The following BCAS4 variants were observed in gnomAD, a reference collection of about 807,000 sequenced individuals.
BCAS4 encodes the protein breast carcinoma-amplified sequence 4.
Under a neutral mutation model 15.7 loss-of-function variants are expected in BCAS4, and 9 were observed. That is an observed-to-expected ratio of 0.57 (90% CI 0.34 to 1.00). The LOEUF is 1.00. Among genes scored for constraint, BCAS4 ranks in the 50% least tolerant of loss-of-function variants. The pLI, the probability that BCAS4 is intolerant of heterozygous loss-of-function variation, is 0.02. For missense variants in BCAS4, 225 were observed against 239.1 expected, an observed-to-expected ratio of 0.94 and a Z score of 0.39; for synonymous variants, 101 against 99.5, an observed-to-expected ratio of 1.02 and a Z score of -0.09.
At chr20:50,860,115 G>A (rs1015849656) in intron 4 of BCAS4, among the ~76,000 whole-genome samples, 10 of 152,126 alleles carry the variant, frequency 6.6e-5, no homozygotes, top group Admixed American at 4.6e-4. Flanking sequence ...TAGCCTGGGC[G>A]ACAGAGTGAG....
chr20:50,848,204 C>T (rs556177242), intron 4 of BCAS4, among the ~76,000 whole-genome samples: 128 of 152,182 alleles, frequency 8.4e-4, no homozygotes, highest in African/African-American at 3.0e-3. Context: ...TGCAGTGAGT[C>T]GAGATTGCAC....
chr20:50,853,399 C>T (rs1978553546), intron 4 of BCAS4, among the ~76,000 whole-genome samples: 1 of 152,066 alleles, frequency 6.6e-6, no homozygotes, highest in Non-Finnish European at 1.5e-5. Flanking sequence ...CCTGCCTCAG[C>T]CTCCCAAAAG....
intron 4 of BCAS4, among the ~76,000 whole-genome samples, chr20:50,864,423 C>G (rs935417134): frequency 1.2e-4 from 18 of 149,398 alleles, no homozygotes; most frequent in African/African-American, 4.5e-4. Flanking sequence ...ATTGTCCTTA[C>G]TATTGATCAT....
At chr20:50,802,478 C>CCT (rs2087939557) in intron 1 of BCAS4, among the ~76,000 whole-genome samples, 1 of 152,232 alleles carries the variant, frequency 6.6e-6, no homozygotes, top group African/African-American at 2.4e-5. Flanking sequence ...GGCAGCCTCT[C>CCT]CTCACAGGAC....
intron 1 of BCAS4, among the ~76,000 whole-genome samples, chr20:50,796,518 T>G: frequency 1.0e-5 from 1 of 98,620 alleles, no homozygotes; most frequent in Non-Finnish European, 2.0e-5. Context: ...TTTTTTGAGA[T>G]GGAGTCTTGC....
chr20:50,799,006 G>A (rs1211658454), intron 1 of BCAS4, among the ~76,000 whole-genome samples: 1 of 152,092 alleles, frequency 6.6e-6, no homozygotes, highest in East Asian at 1.9e-4. Context: ...CAGGGTCCTG[G>A]GGGAGGCTCC....
At chr20:50,836,457 C>T (rs181191850) in intron 3 of BCAS4, among the ~76,000 whole-genome samples, 5 of 152,306 alleles carry the variant, frequency 3.3e-5, no homozygotes, top group Admixed American at 3.3e-4. Context: ...GAGACCCGCA[C>T]CTGCCATCTT....
chr20:50,845,333 G>A (rs971537086), intron 4 of BCAS4, among the ~76,000 whole-genome samples: 1 of 152,118 alleles, frequency 6.6e-6, no homozygotes, highest in African/African-American at 2.4e-5. Flanking sequence ...CATTCTCAGT[G>A]TCTTCCATCT....
At chr20:50,801,857 C>T (rs1165124832) in intron 1 of BCAS4, among the ~76,000 whole-genome samples, 1 of 151,954 alleles carries the variant, frequency 6.6e-6, no homozygotes, top group East Asian at 1.9e-4. Context: ...GACCGGAGGG[C>T]AAAGATCTGA....
At chr20:50,830,769 G>A (rs761413809) in intron 3 of BCAS4, among the ~76,000 whole-genome samples, 8 of 152,166 alleles carry the variant, frequency 5.3e-5, no homozygotes, top group Non-Finnish European at 8.8e-5. Context: ...AGGATGGCTT[G>A]AGTCCAGGAG....
At chr20:50,870,519 C>G (rs369945733) in intron 4 of BCAS4, among the ~76,000 whole-genome samples, 35 of 152,136 alleles carry the variant, frequency 2.3e-4, no homozygotes, top group African/African-American at 8.0e-4. Context: ...TGCGGATTGC[C>G]GGGGCCAACT....
At chr20:50,831,922 G>A (rs2088348613) in intron 3 of BCAS4, among the ~76,000 whole-genome samples, 1 of 152,194 alleles carries the variant, frequency 6.6e-6, no homozygotes, top group East Asian at 1.9e-4. Flanking sequence ...GAATGAAGCA[G>A]GAATATAATT....
At chr20:50,854,130 G>C (rs1345062760) in intron 4 of BCAS4, among the ~76,000 whole-genome samples, 1 of 151,932 alleles carries the variant, frequency 6.6e-6, no homozygotes, top group Non-Finnish European at 1.5e-5. Context: ...TTATAAATAT[G>C]GAAAAGAATA....
intron 1 of BCAS4, among the ~76,000 whole-genome samples, chr20:50,798,669 C>G: frequency 6.6e-6 from 1 of 152,162 alleles, no homozygotes; most frequent in Admixed American, 6.6e-5. Flanking sequence ...TTGGACTGGG[C>G]ACATTTGAAG....
chr20:50,803,073 C>T (rs1358936471), intron 1 of BCAS4, among the ~76,000 whole-genome samples: 4 of 151,318 alleles, frequency 2.6e-5, no homozygotes, highest in Non-Finnish European at 2.9e-5. Context: ...CCCAGCTACT[C>T]GGGAGGCTGG....
intron 1 of BCAS4, among the ~76,000 whole-genome samples, chr20:50,805,292 G>T (rs1362934933): frequency 6.6e-6 from 1 of 152,128 alleles, no homozygotes; most frequent in Admixed American, 6.5e-5. Flanking sequence ...TTATAGATTT[G>T]CCTGTTCTGG....
intron 2 of BCAS4, among the ~76,000 whole-genome samples, chr20:50,829,109 A>C (rs1015406555): frequency 2.6e-5 from 4 of 152,160 alleles, no homozygotes; most frequent in Admixed American, 6.5e-5. Flanking sequence ...GTGTTTCTCT[A>C]ACAGTGGTCC....
intron 2 of BCAS4, among the ~76,000 whole-genome samples, chr20:50,829,435 G>T (rs1251260915): frequency 5.3e-5 from 8 of 151,984 alleles, no homozygotes; most frequent in South Asian, 4.1e-4. Context: ...TAGAGACGGG[G>T]TTTCACCATG....
chr20:50,821,084 C>G (rs1157129114), intron 2 of BCAS4, among the ~76,000 whole-genome samples: 1 of 152,210 alleles, frequency 6.6e-6, no homozygotes, highest in Non-Finnish European at 1.5e-5. Flanking sequence ...AGCAAGCGTG[C>G]TTTCCAGCTT....
Sources: gnomAD v4.1 joint callset for allele counts (sites outside exome capture counted in the v4.1 genomes callset) on GRCh38, gnomAD v4.1.1 for gene constraint, MANE v1.5 for transcripts, NCBI Gene and HGNC (gene_info 2026-07-23, HGNC 2026-07-21) for gene names.